The following COL17A1 variants were observed in gnomAD, a reference collection of about 807,000 sequenced individuals.
COL17A1 encodes the protein collagen alpha-1(XVII) chain.
In COL17A1, 181 loss-of-function variants were observed where a neutral mutation model predicts 218.4. The ratio of observed to expected loss-of-function variants is 0.83; its 90% confidence interval spans 0.73 to 0.94. COL17A1 has a LOEUF of 0.94. Among genes scored for constraint, COL17A1 ranks in the 40% least tolerant of loss-of-function variants. The pLI, the probability that COL17A1 is intolerant of heterozygous loss-of-function variation, is 0.00. For synonymous variants in COL17A1, 721 were observed against 731.0 expected (o/e 0.99, Z 0.22); for missense variants, 1,924 against 1,945.9 (o/e 0.99, Z 0.21).
In COL17A1 at chr10:104,055,475, CACACACAA is replaced by C. The variant is rs955572619; in HGVS notation, c.1688-82_1688-75del. On this transcript the variant is annotated intron_variant, in intron 18 of 55. Transcript: ENST00000648076. Reference sequence around the variant, plus strand: ...ACACACACACACACACACACACACACACACACAATAAGGGGATCATGGTATGGGAAGAA... The same window carrying C: ...ACACACACACACACACACACACACACTAAGGGGATCATGGTATGGGAAGAA... 2.0e-4 allele frequency: 304 copies of C among 1,512,434 alleles called. 10 individuals are homozygous for C. Among genetic ancestry groups the C allele is most frequent in the Middle Eastern group, 3.5e-4 (2 of 5,780 alleles). The allele number at this position is 1,512,434 out of a possible 1,614,324, so 93.7% of individuals were successfully genotyped here. A position where few individuals can be genotyped will look rare whatever the true frequency, so the allele number is the denominator to read the frequency against.
intron 41 of COL17A1, 67 bp from the exon 42 acceptor site, chr10:104,039,707 C>T: frequency 3.1e-6 from 5 of 1,609,406 alleles, no homozygotes; most frequent in Non-Finnish European, 3.4e-6. Flanking sequence ...CCCTGTAGAG[C>T]CTCCCCAAGA....
intron 10 of COL17A1, 151 bp downstream of exon 10, chr10:104,064,287 A>G: frequency 7.7e-7 from 1 of 1,297,008 alleles, no homozygotes; most frequent in Non-Finnish European, 1.1e-6. Flanking sequence ...ATTGAACTGA[A>G]GTTCCAGGGG....
rs576426513 is a variant in COL17A1 at position 104,054,073 on chromosome 10, G to C, written c.1771+19C>G. ...AGCTGCAACACTGGCAGGCCTGGAG[G>C]TCATCAGAGAGTACATACCTGGAGT... On this transcript the variant is annotated intron_variant, in intron 21 of 55. Transcript: ENST00000648076. 1 of 1,613,186 alleles carries C rather than the reference G, an allele frequency of 6.2e-7. No homozygotes were observed. Among genetic ancestry groups the C allele is most frequent in the Non-Finnish European group, 8.5e-7 (1 of 1,179,642 alleles).
intron 1 of COL17A1, among the ~76,000 whole-genome samples, chr10:104,084,312 A>AT (rs199699283): frequency 0.02 from 2,784 of 139,970 alleles, 44 homozygotes; most frequent in African/African-American, 0.047. Context: ...TTTTTTTCCT[A>AT]TTTTTTTTTT....
intron 13 of COL17A1, 134 bp from the exon 14 acceptor site, chr10:104,060,414 T>G: frequency 7.6e-7 from 1 of 1,318,806 alleles, no homozygotes; most frequent in East Asian, 2.6e-5. Context: ...TGAGGGTCTC[T>G]TGTTCTTGCT....
intron 33 of COL17A1, among the ~76,000 whole-genome samples, chr10:104,045,406 C>T (rs2086398770): frequency 6.6e-6 from 1 of 152,168 alleles, no homozygotes; most frequent in South Asian, 2.1e-4. Flanking sequence ...AGCCTACATA[C>T]CAGGGGGATG....
At chr10:104,056,715 A>G (rs2086531808) in intron 17 of COL17A1, among the ~76,000 whole-genome samples, 1 of 152,220 alleles carries the variant, frequency 6.6e-6, no homozygotes, top group Non-Finnish European at 1.5e-5. Context: ...ACCAGGGCCT[A>G]CAGGTGTAGC....
chr10:104,037,894 G>T, intron 45 of COL17A1, 121 bp from the exon 46 acceptor site: 1 of 1,277,582 alleles, frequency 7.8e-7, no homozygotes, highest in Non-Finnish European at 1.1e-6. Context: ...CCCAAGGCTG[G>T]GCCAGGAGGG....
chr10:104,032,180 T>TAA lies in COL17A1; in HGVS notation c.*53_*54dup. On this transcript the variant is annotated 3_prime_UTR_variant, in exon 56 of 56. Coordinates refer to ENST00000648076, the MANE Select transcript of COL17A1 (RefSeq NM_000494.4). ...TTTCACCCTCTGGAGACCTTGGACC[T>TAA]AAGTGCCACATGCATTATGAGACCT... 7 of 1,460,272 alleles carry TAA rather than the reference T, an allele frequency of 4.8e-6. No individual in the cohort carries two copies. The highest frequency in any genetic ancestry group is 6.7e-6 in the Non-Finnish European group (7 of 1,040,382). 90.5% of individuals were successfully genotyped at this position (1,460,272 alleles called of 1,614,324 possible). A position where few individuals can be genotyped will look rare whatever the true frequency, so the allele number is the denominator to read the frequency against.
intron 22 of COL17A1, 39 bp from the exon 23 acceptor site, chr10:104,053,174 G>T (rs72821450): frequency 1.1e-5 from 17 of 1,604,780 alleles, no homozygotes; most frequent in Non-Finnish European, 1.4e-5. Flanking sequence ...TCAGGATCCC[G>T]TACCCCAGCT....
intron 47 of COL17A1, 111 bp from the exon 48 acceptor site, chr10:104,036,743 G>T (rs2086303717): frequency 1.5e-6 from 2 of 1,362,132 alleles, no homozygotes; most frequent in Non-Finnish European, 2.0e-6. Context: ...CGTGACATTT[G>T]TGAGTTCTGG....
At chr10:104,053,860 T>G (rs2086493845) in intron 22 of COL17A1, 60 bp downstream of exon 22, 3 of 991,136 alleles carry the variant, frequency 3.0e-6, no homozygotes, top group Non-Finnish European at 4.8e-6. Context: ...ACTTAATGAA[T>G]GTTTATTAAA....
chr10:104,070,941 C>T (rs1327996765), intron 8 of COL17A1, among the ~76,000 whole-genome samples: 1 of 152,202 alleles, frequency 6.6e-6, no homozygotes, highest in Non-Finnish European at 1.5e-5. Flanking sequence ...ACAGCAGTCT[C>T]ATCCCCTGCA....
At chr10:104,047,203 C>T (rs1339093073) in intron 31 of COL17A1, among the ~76,000 whole-genome samples, 1 of 152,080 alleles carries the variant, frequency 6.6e-6, no homozygotes, top group Non-Finnish European at 1.5e-5. Context: ...ACACAGCTTT[C>T]TTGGCTGGTT....
chr10:104,060,031 AG>A (rs2086567814), intron 14 of COL17A1, 87 bp downstream of exon 14: 1 of 1,591,652 alleles, frequency 6.3e-7, no homozygotes, highest in Non-Finnish European at 8.6e-7. Context: ...CATGACTCAT[AG>A]GGTCCCAAAC....
At position 104,050,976 on chromosome 10, in the gene COL17A1, A is replaced by T. The variant is rs546613205; in HGVS notation, c.2039-75T>A. ...AATGATGAGACATGTATGCACACACATGCACACATACAGGCACACATATGC... is the reference window on the plus strand; with the variant it reads ...AATGATGAGACATGTATGCACACACTTGCACACATACAGGCACACATATGC... On this transcript the variant is annotated intron_variant, in intron 25 of 55. Transcript: ENST00000648076. 8 of 1,604,304 alleles carry T rather than the reference A, an allele frequency of 5.0e-6. No homozygotes were observed. In the African/African-American group the frequency reaches 1.1e-4, roughly 21 times the overall value.
intron 8 of COL17A1, among the ~76,000 whole-genome samples, chr10:104,071,101 A>G (rs1421105146): frequency 6.6e-6 from 1 of 152,232 alleles, no homozygotes; most frequent in East Asian, 1.9e-4. Flanking sequence ...CAAGGTGAAA[A>G]GTGGAGCAAG....
intron 7 of COL17A1, among the ~76,000 whole-genome samples, chr10:104,072,999 T>A (rs977413165): frequency 1.3e-5 from 2 of 152,202 alleles, no homozygotes; most frequent in Non-Finnish European, 2.9e-5. Context: ...TGCCTCTACG[T>A]GCTTGTTAGA....
chr10:104,033,643 C>T (rs1340128242), intron 52 of COL17A1, among the ~76,000 whole-genome samples: 1 of 152,204 alleles, frequency 6.6e-6, no homozygotes, highest in African/African-American at 2.4e-5. Flanking sequence ...ACATCCTTCT[C>T]TCGGCCCCAG....
Sources: gnomAD v4.1 joint callset for allele counts (sites outside exome capture counted in the v4.1 genomes callset) on GRCh38, gnomAD v4.1.1 for gene constraint, MANE v1.5 for transcripts, NCBI Gene and HGNC (gene_info 2026-07-23, HGNC 2026-07-21) for gene names.